GOLT1A: variants seen among roughly 807,000 people sequenced by gnomAD.
GOLT1A encodes golgi transport 1A.
GOLT1A carries 10 observed loss-of-function variants against 16.1 expected under a neutral mutation model. The observed-to-expected ratio is 0.62, with a 90% CI of 0.38 to 1.05. The LOEUF is 1.05. GOLT1A is among the 50% of genes least tolerant of loss of function. GOLT1A has a pLI of 0.01. For synonymous variants in GOLT1A, 60 were observed against 67.9 expected, an observed-to-expected ratio of 0.88 and a Z score of 0.57; for missense variants, 137 against 165.7, an observed-to-expected ratio of 0.83 and a Z score of 0.95.
rs1325216351 is a variant in GOLT1A, at chr1:204,209,920, A to C, written c.25+3962T>G. Among the ~76,000 whole-genome samples, 4 of 152,174 alleles carry C rather than the reference A, an allele frequency of 2.6e-5. No homozygotes were observed. The East Asian group carries it at 7.7e-4, about 29-fold the overall frequency. ...TAAAAATACAAAAAATTAGCCGGTG[A>C]GGTGGCGGGCACTTGTAATCCCAGC... On this transcript the variant is annotated intron_variant, in intron 1 of 4. Coordinates refer to ENST00000308302, the MANE Select transcript of GOLT1A (RefSeq NM_198447.2).
chr1:204,208,899 C>A (rs910944741), intron 1 of GOLT1A, among the ~76,000 whole-genome samples: 2 of 152,170 alleles, frequency 1.3e-5, no homozygotes, highest in African/African-American at 4.8e-5. Context: ...ATACAGCCAT[C>A]AAAATTGGGA....
chr1:204,212,220 C>T (rs1181575027), intron 1 of GOLT1A, among the ~76,000 whole-genome samples: 1 of 152,196 alleles, frequency 6.6e-6, no homozygotes, highest in African/African-American at 2.4e-5. Flanking sequence ...TCCTCTTTCT[C>T]TCACACCCTA....
At chr1:204,199,762 C>T (rs776602154) in intron 3 of GOLT1A, among the ~76,000 whole-genome samples, 2 of 152,150 alleles carry the variant, frequency 1.3e-5, no homozygotes, top group Non-Finnish European at 2.9e-5. Flanking sequence ...GCCCTGGCTC[C>T]CCCAGGCACA....
chr1:204,208,391 T>C (rs1659079534), intron 1 of GOLT1A, among the ~76,000 whole-genome samples: 2 of 82,626 alleles, frequency 2.4e-5, no homozygotes, highest in African/African-American at 6.7e-5. Flanking sequence ...TATACACACA[T>C]ATGTATACAT....
At chr1:204,213,780 GAGGTCACGCTTGT>G in intron 1 of GOLT1A, 89 bp downstream of exon 1, 1 of 1,349,304 alleles carries the variant, frequency 7.4e-7, no homozygotes, top group Non-Finnish European at 1.0e-6. Flanking sequence ...CCTGGCTCCA[GAGGTCACGCTTGT>G]AGTGACAGAG....
chr1:204,212,455 G>T (rs530444631), intron 1 of GOLT1A, among the ~76,000 whole-genome samples: 22 of 152,066 alleles, frequency 1.4e-4, no homozygotes, highest in African/African-American at 4.8e-4. Context: ...TGGTAAACGT[G>T]GAGAAACCCC....
At chr1:204,206,072 A>G (rs574731711) in intron 1 of GOLT1A, among the ~76,000 whole-genome samples, 3 of 152,062 alleles carry the variant, frequency 2.0e-5, no homozygotes, top group Non-Finnish European at 4.4e-5. Flanking sequence ...CTCCATCTCA[A>G]AAAAAAAGAA....
chr1:204,212,620 G>T (rs1659155614), intron 1 of GOLT1A, among the ~76,000 whole-genome samples: 1 of 119,182 alleles, frequency 8.4e-6, no homozygotes, highest in Non-Finnish European at 1.6e-5. Context: ...CTGAGCGACA[G>T]AGTGAGACTC....
intron 3 of GOLT1A, among the ~76,000 whole-genome samples, chr1:204,199,821 C>A (rs1658923039): frequency 6.6e-6 from 1 of 152,196 alleles, no homozygotes; most frequent in Non-Finnish European, 1.5e-5. Flanking sequence ...GATACCCTGC[C>A]AAGGCCTGAC....
Position 204,202,991 on chromosome 1 carries a change from C to A in GOLT1A, c.26-4G>T. Reference sequence around the variant, plus strand: ...CCGGTGATCCCCACACCAATCTCTGCAATGGGCAAGGAGGTGGTGGAGGAA... The same window carrying A: ...CCGGTGATCCCCACACCAATCTCTGAAATGGGCAAGGAGGTGGTGGAGGAA... On this transcript the variant is annotated splice_polypyrimidine_tract_variant and splice_region_variant and intron_variant, in intron 1 of 4. Coordinates refer to ENST00000308302, the MANE Select transcript of GOLT1A (RefSeq NM_198447.2). 6.2e-7 allele frequency: 1 copy of A among 1,613,178 alleles called. No homozygotes were observed.
At chr1:204,212,254 C>T (rs1336168137) in intron 1 of GOLT1A, among the ~76,000 whole-genome samples, 1 of 152,160 alleles carries the variant, frequency 6.6e-6, no homozygotes, top group African/African-American at 2.4e-5. Context: ...AGCAAATCCT[C>T]AACGCTTTCC....
chr1:204,208,671 T>C (rs1659092478), intron 1 of GOLT1A, among the ~76,000 whole-genome samples: 1 of 151,356 alleles, frequency 6.6e-6, no homozygotes, highest in Non-Finnish European at 1.5e-5. Context: ...TGCAAAGGCA[T>C]AAGAATGATA....
chr1:204,213,527 C>T (rs1008570966), intron 1 of GOLT1A, among the ~76,000 whole-genome samples: 7 of 152,200 alleles, frequency 4.6e-5, no homozygotes, highest in Non-Finnish European at 4.4e-5. Flanking sequence ...CCACAGGAGA[C>T]CTTGATGGTG....
chr1:204,202,809 A>G, intron 2 of GOLT1A, 87 bp downstream of exon 2: 1 of 920,886 alleles, frequency 1.1e-6, no homozygotes, highest in East Asian at 2.4e-5. Context: ...AATAAACTGT[A>G]AGTCTTTATT....
intron 4 of GOLT1A, chr1:204,198,819 T>TCATA: frequency 2.1e-6 from 1 of 484,146 alleles, no homozygotes; most frequent in South Asian, 3.0e-5. Context: ...TCATCAGCTG[T>TCATA]CATACATTCT....
At chr1:204,199,906 C>T (rs1016506495) in intron 3 of GOLT1A, among the ~76,000 whole-genome samples, 4 of 152,104 alleles carry the variant, frequency 2.6e-5, no homozygotes, top group Admixed American at 6.5e-5. Context: ...CGGTGTGTGG[C>T]GGATGGGAAG....
At chr1:204,212,377 G>A (rs1469695789) in intron 1 of GOLT1A, among the ~76,000 whole-genome samples, 1 of 152,032 alleles carries the variant, frequency 6.6e-6, no homozygotes, top group Non-Finnish European at 1.5e-5. Context: ...GCTCACGCCT[G>A]TAATCCCAGC....
At chr1:204,201,187 A>C (rs1460349147) in intron 3 of GOLT1A, among the ~76,000 whole-genome samples, 1 of 152,164 alleles carries the variant, frequency 6.6e-6, no homozygotes, top group African/African-American at 2.4e-5. Context: ...CCTTTTTCAC[A>C]TACTAGTTTG....
chr1:204,210,170 C>A (rs1659117404), intron 1 of GOLT1A, among the ~76,000 whole-genome samples: 1 of 152,234 alleles, frequency 6.6e-6, no homozygotes, highest in African/African-American at 2.4e-5. Flanking sequence ...CTTCATGTTA[C>A]CAGATCCAAT....
Sources: allele counts gnomAD v4.1 joint callset (sites outside exome capture counted in the v4.1 genomes callset), GRCh38; gene constraint gnomAD v4.1.1; transcripts MANE v1.5; gene names NCBI Gene and HGNC (gene_info 2026-07-23, HGNC 2026-07-21).